The following AKAP6 variants were observed in gnomAD, a reference collection of about 807,000 sequenced individuals.
AKAP6 encodes the protein A-kinase anchoring protein 6.
In AKAP6, 58 loss-of-function variants were observed where a neutral mutation model predicts 188.5. The observed-to-expected ratio is 0.31, with a 90% CI of 0.25 to 0.38. The LOEUF (loss-of-function observed/expected upper bound fraction) is 0.38. AKAP6 is among the 10% of genes least tolerant of loss of function. The probability of loss-of-function intolerance (pLI) is 1.00; values close to 1 mark genes in which losing one functional copy is unlikely to be tolerated. For missense variants in AKAP6, 2,710 were observed against 2,740.0 expected, an observed-to-expected ratio of 0.99 and a Z score of 0.24; for synonymous variants, 989 against 998.6, an observed-to-expected ratio of 0.99 and a Z score of 0.18.
Position 32,527,574 on chromosome 14 carries a change from A to T in AKAP6, c.325-7980A>T, listed in dbSNP as rs1365710358. 2.6e-5 allele frequency among the ~76,000 whole-genome samples: 4 copies of T among 152,102 alleles called. No individual in the cohort carries two copies. In the East Asian group the frequency reaches 7.7e-4, roughly 29 times the overall value. On this transcript the variant is annotated intron_variant, in intron 2 of 13. Coordinates refer to ENST00000280979, the MANE Select transcript of AKAP6 (RefSeq NM_004274.5). ...ACTACAATGAATGAGAGTTCCTCTT[A>T]CTCCACATCCTCACCAGCATTTGGT... is the stretch of plus-strand genomic sequence containing the variant.
chr14:32,452,204 C>T (rs960319324), intron 2 of AKAP6, among the ~76,000 whole-genome samples: 1 of 151,384 alleles, frequency 6.6e-6, no homozygotes, highest in Non-Finnish European at 1.5e-5. Context: ...GCTAATTTTT[C>T]TATATGTTTT....
intron 11 of AKAP6, among the ~76,000 whole-genome samples, chr14:32,745,527 C>G (rs949535098): frequency 4.6e-5 from 7 of 151,568 alleles, no homozygotes; most frequent in Admixed American, 6.6e-5. Context: ...CTGTCTGTCT[C>G]TCTCTCTGTT....
At chr14:32,412,673 T>C (rs1227820210) in intron 1 of AKAP6, among the ~76,000 whole-genome samples, 3 of 152,182 alleles carry the variant, frequency 2.0e-5, no homozygotes, top group Non-Finnish European at 4.4e-5. Context: ...AAGCTACAAG[T>C]TCATTGCTGT....
chr14:32,567,942 AGAG>A (rs1884276286), intron 4 of AKAP6, among the ~76,000 whole-genome samples: 1 of 152,136 alleles, frequency 6.6e-6, no homozygotes, highest in Non-Finnish European at 1.5e-5. Context: ...AGTGGAAAAA[AGAG>A]GAGAAGTGGG....
chr14:32,791,247 G>A (rs188657640), intron 12 of AKAP6, among the ~76,000 whole-genome samples: 55 of 152,240 alleles, frequency 3.6e-4, no homozygotes, highest in Admixed American at 2.9e-3. Context: ...GTATAAAAGC[G>A]TTCCTATTTC....
intron 7 of AKAP6, among the ~76,000 whole-genome samples, chr14:32,662,627 A>G (rs990990470): frequency 6.6e-6 from 1 of 152,146 alleles, no homozygotes; most frequent in African/African-American, 2.4e-5. Flanking sequence ...ATGGCATCCC[A>G]TTATGCCAGG....
chr14:32,718,343 C>G, intron 9 of AKAP6: 3 of 985,096 alleles, frequency 3.0e-6, no homozygotes, highest in Non-Finnish European at 3.6e-6. Flanking sequence ...CCTAAAATCT[C>G]TAAAATTTAT....
In AKAP6 at chr14:32,546,431, C is replaced by G; in HGVS notation, c.1778C>G (p.Ser593Cys). 1 of 1,614,174 alleles carries G rather than the reference C, an allele frequency of 6.2e-7. No homozygotes were observed. Among genetic ancestry groups the G allele is most frequent in the South Asian group, 1.1e-5 (1 of 91,076 alleles). Residue 593 changes from serine to cysteine, a missense_variant, in exon 4 of 14, where the codon TCT (serine) becomes TGT (cysteine). By Grantham distance (112) the Ser-to-Cys change is moderately radical. Coordinates refer to ENST00000280979, the MANE Select transcript of AKAP6 (RefSeq NM_004274.5). Reference sequence around the variant, plus strand: ...TCTGTTGGCTCAGACAACATCATGTCTCCGGTGCCACTTCTTTCAAAACAC... The same window carrying G: ...TCTGTTGGCTCAGACAACATCATGTGTCCGGTGCCACTTCTTTCAAAACAC... ...ESSVGSDNIMSPVPLLSKHKS... is the reference protein window; with the variant it reads ...ESSVGSDNIMCPVPLLSKHKS...
chr14:32,712,474 C>T (rs758161552), intron 9 of AKAP6, among the ~76,000 whole-genome samples: 3 of 151,954 alleles, frequency 2.0e-5, no homozygotes, highest in Non-Finnish European at 4.4e-5. Context: ...CATACAATGC[C>T]GTTTGATAGC....
intron 4 of AKAP6, among the ~76,000 whole-genome samples, chr14:32,575,109 C>A (rs903618922): frequency 6.6e-6 from 1 of 152,092 alleles, no homozygotes; most frequent in Non-Finnish European, 1.5e-5. Context: ...ACTGAGAAGA[C>A]TGAGCTTGAG....
At chr14:32,639,856 C>G (rs1338301898) in intron 7 of AKAP6, among the ~76,000 whole-genome samples, 1 of 152,050 alleles carries the variant, frequency 6.6e-6, no homozygotes, top group Non-Finnish European at 1.5e-5. Context: ...GGAGAAAGAC[C>G]ATGGCACTGG....
Position 32,635,546 on chromosome 14 carries a change from G to A in AKAP6, c.2730+34754G>A, listed in dbSNP as rs116023465. On this transcript the variant is annotated intron_variant, in intron 7 of 13. Coordinates refer to ENST00000280979, the MANE Select transcript of AKAP6 (RefSeq NM_004274.5). ...TCATTTATTTATTTAGCTGTGGCTA[G>A]GAAGCTGTCCTAGAGCTGGGAGCTA... 4.5e-3 allele frequency among the ~76,000 whole-genome samples: 683 copies of A among 152,178 alleles called. 3 individuals carry two copies. The highest frequency in any genetic ancestry group is 0.014 in the African/African-American group (569 of 41,560).
intron 1 of AKAP6, among the ~76,000 whole-genome samples, chr14:32,351,886 A>T (rs1209199857): frequency 1.3e-5 from 2 of 152,166 alleles, no homozygotes; most frequent in Non-Finnish European, 2.9e-5. Flanking sequence ...CAAATAAATT[A>T]CTAATCTAAT....
intron 2 of AKAP6, among the ~76,000 whole-genome samples, chr14:32,489,430 G>A (rs570764847): frequency 9.2e-5 from 14 of 152,096 alleles, no homozygotes; most frequent in South Asian, 2.1e-4. Flanking sequence ...GGCTGGTCTC[G>A]AACTCCTGGC....
rs146584824 is a variant in AKAP6, at chr14:32,624,096, T to C, written c.2730+23304T>C. Among the ~76,000 whole-genome samples the C allele has an allele frequency of 5.8e-3, 886 of 152,232 alleles. 10 individuals carry two copies. Among genetic ancestry groups the C allele is most frequent in the South Asian group, 0.025 (119 of 4,824 alleles). The stretch of plus-strand genomic sequence containing the variant: ...ATGATTTGGAATAAAAAAAGAGATC[T>C]TGGTAAGTAAAAACTTATTTTTAGT... On this transcript the variant is annotated intron_variant, in intron 7 of 13. Transcript: ENST00000280979.
intron 2 of AKAP6, among the ~76,000 whole-genome samples, chr14:32,472,018 G>C (rs557785584): frequency 1.3e-5 from 2 of 152,238 alleles, no homozygotes; most frequent in South Asian, 4.1e-4. Flanking sequence ...TTTACTTTTT[G>C]TCATAGTTTG....
intron 7 of AKAP6, among the ~76,000 whole-genome samples, chr14:32,673,982 T>C (rs1245302313): frequency 6.6e-6 from 1 of 152,020 alleles, no homozygotes; most frequent in Non-Finnish European, 1.5e-5. Context: ...GGATATGAAA[T>C]AGAGGAAAAA....
intron 1 of AKAP6, among the ~76,000 whole-genome samples, chr14:32,367,756 G>T (rs1246606418): frequency 1.3e-5 from 2 of 152,156 alleles, no homozygotes; most frequent in Non-Finnish European, 2.9e-5. Flanking sequence ...AGCTCAGTGA[G>T]GTATGCACTG....
chr14:32,763,302 A>G (rs559036288), intron 11 of AKAP6, among the ~76,000 whole-genome samples: 81 of 152,286 alleles, frequency 5.3e-4, no homozygotes, highest in Middle Eastern at 3.4e-3. Flanking sequence ...TACCATCACC[A>G]TAATAAAATG....
Sources: gnomAD v4.1 joint callset for allele counts (sites outside exome capture counted in the v4.1 genomes callset) on GRCh38, gnomAD v4.1.1 for gene constraint, MANE v1.5 for transcripts, NCBI Gene and HGNC (gene_info 2026-07-23, HGNC 2026-07-21) for gene names.